Variants in CTR9 observed in about 807,000 individuals in gnomAD.
CTR9 encodes CTR9 component of Paf1/RNA polymerase II complex, also known as RNA polymerase-associated protein CTR9 homolog.
In CTR9, 41 loss-of-function variants were observed where a neutral mutation model predicts 152.1. The ratio of observed to expected loss-of-function variants is 0.27; its 90% CI spans 0.21 to 0.35. The LOEUF (loss-of-function observed/expected upper bound fraction) is 0.35. Among genes scored for constraint, CTR9 ranks in the 10% least tolerant of loss-of-function variants. The probability of loss-of-function intolerance (pLI) is 1.00; values close to 1 mark genes in which losing one functional copy is unlikely to be tolerated. For synonymous variants in CTR9, 476 were observed against 496.2 expected, an observed-to-expected ratio of 0.96 and a Z score of 0.54; for missense variants, 917 against 1,424.4, an observed-to-expected ratio of 0.64 and a Z score of 5.73.
Position 10,751,285 on chromosome 11 carries a change from C to T in CTR9, c.-128C>T. The T allele has an allele frequency of 1.0e-6, 1 of 992,368 alleles. No individual in the cohort carries two copies. Among genetic ancestry groups the T allele is most frequent in the South Asian group, 1.4e-5 (1 of 72,646 alleles). 61.5% of individuals were successfully genotyped at this position (992,368 alleles called of 1,614,324 possible). ...TGACGGGAAGGAGAAGCCAGAGCTC[C>T]AGCGGCGCCGCGGGGCGGCAGTCAA... On this transcript the variant is annotated 5_prime_UTR_variant, in exon 1 of 25. Coordinates refer to ENST00000361367, the MANE Select transcript of CTR9 (RefSeq NM_014633.5).
chr11:10,753,498 A>G (rs1862837176), intron 2 of CTR9, among the ~76,000 whole-genome samples: 1 of 152,058 alleles, frequency 6.6e-6, no homozygotes, highest in Non-Finnish European at 1.5e-5. Context: ...AATTGGGCTT[A>G]TATCCAGTGC....
At chr11:10,778,625 A>G in intron 24 of CTR9, 54 bp from the exon 25 acceptor site, 1 of 1,540,984 alleles carries the variant, frequency 6.5e-7, no homozygotes, top group Non-Finnish European at 8.8e-7. Context: ...TCTGCTCATC[A>G]AGGCCCCAGT....
Position 10,752,741 on chromosome 11 carries a change from A to G in CTR9, c.115A>G (p.Thr39Ala). The G allele has an allele frequency of 6.2e-7, 1 of 1,613,906 alleles. No homozygotes were observed. The highest frequency in any genetic ancestry group is 8.5e-7 in the Non-Finnish European group (1 of 1,179,804). ...EVISILKQEHTQLHIWIALAL... is the reference protein window; with the variant it reads ...EVISILKQEHAQLHIWIALAL... ...TATCAGTATTCTGAAACAGGAACAC[A>G]CACAACTGCACATATGGATTGCTTT... Residue 39 changes from threonine (T) to alanine (A), a missense_variant, in exon 2 of 25, where the codon ACA (threonine) becomes GCA (alanine). Around this residue, in one of 9 missense-constraint regions of CTR9, gnomAD observed 67 missense variants for 106.9 expected, o/e 0.63. Coordinates refer to ENST00000361367, the MANE Select transcript of CTR9 (RefSeq NM_014633.5).
chr11:10,752,623 G>A (rs753458776), intron 1 of CTR9, 49 bp from the exon 2 acceptor site: 1 of 1,319,998 alleles, frequency 7.6e-7, no homozygotes, highest in South Asian at 1.2e-5. Context: ...AAGATGAAAT[G>A]TGAATTTTAA....
chr11:10,755,554 A>G (rs1862871888), intron 3 of CTR9, 124 bp from the exon 4 acceptor site: 1 of 622,618 alleles, frequency 1.6e-6, no homozygotes, highest in South Asian at 2.3e-5. Flanking sequence ...TAGTAGCTTA[A>G]GCACGTTACA....
Position 10,779,182 on chromosome 11 carries a change from A to T in CTR9, c.*77A>T. 7.0e-7 allele frequency: 1 copy of T among 1,423,808 alleles called. No individual in the cohort carries two copies. The highest frequency in any genetic ancestry group is 1.4e-5 in the African/African-American group (1 of 69,708). 88.2% of individuals were successfully genotyped at this position (1,423,808 alleles called of 1,614,324 possible). A position where few individuals can be genotyped will look rare whatever the true frequency, so the allele number is the denominator to read the frequency against. ...GAAAGCTGTGATAAAAATGTTTCAG[A>T]TGTTTAGTCAATTGTGAAATTTTTC... is the stretch of plus-strand genomic sequence containing the variant. On this transcript the variant is annotated 3_prime_UTR_variant, in exon 25 of 25. Transcript: ENST00000361367.
At position 10,755,637 on chromosome 11, in the gene CTR9, G is replaced by A. The variant is rs765252548; in HGVS notation, c.385-41G>A. 71 of 1,272,406 alleles carry A rather than the reference G, an allele frequency of 5.6e-5. 2 individuals are homozygous for A. Among genetic ancestry groups the A allele is most frequent in the Non-Finnish European group, 6.3e-5 (55 of 873,822 alleles). The allele number at this position is 1,272,406 out of a possible 1,614,324, so 78.8% of individuals were successfully genotyped here. On this transcript the variant is annotated intron_variant, in intron 3 of 24. Coordinates refer to ENST00000361367, the MANE Select transcript of CTR9 (RefSeq NM_014633.5). ...TTCACTTTAGTGTTACATGTTCATG[G>A]TATATAGGGGTAAAATCTAAGATAA...
chr11:10,775,359 A>G (rs1863215798), intron 23 of CTR9, 56 bp downstream of exon 23: 2 of 1,456,860 alleles, frequency 1.4e-6, no homozygotes, highest in East Asian at 4.6e-5. Flanking sequence ...AGATTGCAGT[A>G]CACTAGAATA....
chr11:10,757,845 A>C (rs898949396), intron 5 of CTR9, among the ~76,000 whole-genome samples: 1 of 152,174 alleles, frequency 6.6e-6, no homozygotes, highest in African/African-American at 2.4e-5. Context: ...AATAAAGCAG[A>C]AAAAGGGTAT....
chr11:10,764,258 T>TA, intron 10 of CTR9, 50 bp from the exon 11 acceptor site: 1 of 1,613,828 alleles, frequency 6.2e-7, no homozygotes, highest in Non-Finnish European at 8.5e-7. Context: ...AAGCCTGGTG[T>TA]AGTGTCTCTC....
At chr11:10,754,642 T>C (rs1361238322) in intron 2 of CTR9, among the ~76,000 whole-genome samples, 1 of 152,210 alleles carries the variant, frequency 6.6e-6, no homozygotes, top group East Asian at 1.9e-4. Context: ...AGAGATTGTT[T>C]TACATTTTCT....
Position 10,772,547 on chromosome 11 carries a change from C to G in CTR9, c.2472C>G (p.Ala824=). Residue 824 remains alanine, a synonymous_variant, in exon 20 of 25, where the codon GCC becomes GCG. Coordinates refer to ENST00000361367, the MANE Select transcript of CTR9 (RefSeq NM_014633.5). ...AGTGTTCTGACTTACTGAGCCAGGC[C>G]CAGTACCATGTGGCCCGGGCACGCA... The part of the protein sequence containing the change: ...ARQCSDLLSQ[A]QYHVARARKQ... The G allele has an allele frequency of 6.2e-7, 1 of 1,604,584 alleles. No homozygotes were observed. Among genetic ancestry groups the G allele is most frequent in the Non-Finnish European group, 8.5e-7 (1 of 1,175,706 alleles).
chr11:10,753,461 C>G (rs1208736974), intron 2 of CTR9, among the ~76,000 whole-genome samples: 1 of 151,992 alleles, frequency 6.6e-6, no homozygotes, highest in South Asian at 2.1e-4. Flanking sequence ...CTAATATTGT[C>G]TTGAAGAGTC....
rs984593804 is a variant in CTR9 at position 10,779,598 on chromosome 11, G to A, written c.*493G>A. On this transcript the variant is annotated 3_prime_UTR_variant, in exon 25 of 25. Coordinates refer to ENST00000361367, the MANE Select transcript of CTR9 (RefSeq NM_014633.5). The stretch of plus-strand genomic sequence containing the variant: ...GCACCAAAGTACATTTGAAAGGAAG[G>A]TTTTCAATAGTGTAATACTGCAGCG... 2 of 157,388 alleles carry A rather than the reference G, an allele frequency of 1.3e-5. No individual in the cohort carries two copies. The highest frequency in any genetic ancestry group is 4.8e-5 in the African/African-American group (2 of 41,444). 9.7% of individuals were successfully genotyped at this position (157,388 alleles called of 1,614,324 possible).
At chr11:10,778,501 T>G (rs1376753010) in intron 24 of CTR9, among the ~76,000 whole-genome samples, 178 bp from the exon 25 acceptor site, 1 of 152,218 alleles carries the variant, frequency 6.6e-6, no homozygotes, top group Non-Finnish European at 1.5e-5. Flanking sequence ...TTGTGAAATA[T>G]ATCACATTTA....
intron 16 of CTR9, among the ~76,000 whole-genome samples, chr11:10,769,677 C>G (rs141969546): frequency 6.6e-6 from 1 of 152,266 alleles, no homozygotes; most frequent in African/African-American, 2.4e-5. Flanking sequence ...TGAAAAAGGT[C>G]TTACCTATGA....
In CTR9 at chr11:10,778,690, A is replaced by G; in HGVS notation, c.3107A>G (p.Asn1036Ser). 9.9e-6 allele frequency: 16 copies of G among 1,610,136 alleles called. No individual in the cohort carries two copies. Among genetic ancestry groups the G allele is most frequent in the Non-Finnish European group, 1.4e-5 (16 of 1,176,718 alleles). Residue 1036 changes from asparagine (N) to serine (S), a missense_variant, in exon 25 of 25, where the codon AAC (asparagine) becomes AGC (serine). Coordinates refer to ENST00000361367, the MANE Select transcript of CTR9 (RefSeq NM_014633.5). ...ATCATCTTTGCCAGACATCCCAGGA[A>G]CAGCAACAGCAACAGTGACTCAGAC... is the stretch of plus-strand genomic sequence containing the variant. Reference protein sequence around the residue: ...LKIADEGHPRNSNSNSDSDED... With the variant: ...LKIADEGHPRSSNSNSDSDED...
At chr11:10,751,880 C>G (rs1327030020) in intron 1 of CTR9, among the ~76,000 whole-genome samples, 1 of 152,202 alleles carries the variant, frequency 6.6e-6, no homozygotes, top group Admixed American at 6.5e-5. Flanking sequence ...AGGAGGTCGC[C>G]TCTTCTCCCT....
chr11:10,778,723 A>G lies in CTR9; in HGVS notation c.3140A>G (p.Glu1047Gly). 1.2e-6 allele frequency: 2 copies of G among 1,614,080 alleles called. No individual in the cohort carries two copies. The highest frequency in any genetic ancestry group is 1.1e-5 in the South Asian group (1 of 91,068). Residue 1047 changes from glutamate to glycine, a missense_variant, in exon 25 of 25, where the codon GAA becomes GGA. By Grantham distance (98) the Glu-to-Gly change is moderately conservative. Coordinates refer to ENST00000361367, the MANE Select transcript of CTR9 (RefSeq NM_014633.5). Reference sequence around the variant, plus strand: ...AGCAACAGTGACTCAGACGAGGACGAACAACGAAAGAAATGTGCCTCATCA... The same window carrying G: ...AGCAACAGTGACTCAGACGAGGACGGACAACGAAAGAAATGTGCCTCATCA... ...SNSNSDSDEDEQRKKCASSES... is the reference protein window; with the variant it reads ...SNSNSDSDEDGQRKKCASSES...
Sources: gnomAD v4.1 joint callset for allele counts (sites outside exome capture counted in the v4.1 genomes callset) on GRCh38, gnomAD v4.1.1 for gene constraint, gnomAD v4.1.1 regional missense constraint, MANE v1.5 for transcripts, NCBI Gene and HGNC (gene_info 2026-07-23, HGNC 2026-07-21) for gene names.